MECR: variants seen among roughly 807,000 people sequenced by gnomAD.
MECR encodes enoyl-[acyl-carrier-protein] reductase, mitochondrial.
MECR carries 37 observed loss-of-function variants against 49.1 expected under a neutral mutation model. The ratio of observed to expected loss-of-function variants is 0.75; its 90% CI spans 0.58 to 0.99. MECR has a LOEUF of 0.99. Ranked by LOEUF, MECR falls within the 50% of genes least tolerant of loss-of-function variation. MECR has a pLI of 0.00. For missense variants in MECR, 470 were observed against 479.6 expected, an observed-to-expected ratio of 0.98 and a Z score of 0.19; for synonymous variants, 198 against 191.1, an observed-to-expected ratio of 1.04 and a Z score of -0.30.
At chr1:29,223,406 T>G (rs142460084) in intron 1 of MECR, 1 of 401,830 alleles carries the variant, frequency 2.5e-6, no homozygotes, top group East Asian at 1.6e-4. Flanking sequence ...TGCTGAGATA[T>G]CTTTCCTGCG....
chr1:29,181,611 C>A, the MECR span: 1 of 1,551,060 alleles, frequency 6.4e-7, no homozygotes, highest in South Asian at 1.2e-5. Flanking sequence ...TGGGGTCTGT[C>A]CCCGCCCGGC....
intron 5 of MECR, among the ~76,000 whole-genome samples, chr1:29,202,706 C>T (rs1675607831): frequency 6.6e-6 from 1 of 152,192 alleles, no homozygotes; most frequent in African/African-American, 2.4e-5. Flanking sequence ...CTGTCTCCTT[C>T]ACGTCTGTAT....
downstream of MECR, among the ~76,000 whole-genome samples, chr1:29,191,831 C>A (rs942677976): frequency 6.6e-6 from 1 of 152,204 alleles, no homozygotes; most frequent in African/African-American, 2.4e-5. Flanking sequence ...TGGTGGCTTA[C>A]GCCTGTAAAC....
At chr1:29,191,444 C>G (rs1378873661), downstream of MECR, among the ~76,000 whole-genome samples, 1 of 152,184 alleles carries the variant, frequency 6.6e-6, no homozygotes, top group African/African-American at 2.4e-5. Context: ...GCTGGGACTA[C>G]AGGCATGTAC....
downstream of MECR, among the ~76,000 whole-genome samples, chr1:29,192,084 TC>T (rs1328643110): frequency 6.6e-6 from 1 of 151,734 alleles, no homozygotes; most frequent in Non-Finnish European, 1.5e-5. Flanking sequence ...GTGTGAGACT[TC>T]GTCTCAAAAA....
At position 29,201,818 on chromosome 1, in the gene MECR, C is replaced by CAAG. The variant is rs1474066030; in HGVS notation, c.756+122_756+124dup. Reference sequence around the variant, plus strand: ...CTAGGGGGAATGGGCTTTAACCAACCAAGAGGCAAAGGGAGGTTTCCAGAG... The same window carrying CAAG: ...CTAGGGGGAATGGGCTTTAACCAACCAAGAAGAGGCAAAGGGAGGTTTCCAGAG... On this transcript the variant is annotated intron_variant, in intron 6 of 9. Transcript: ENST00000263702. This position sits in a 1 kb window ranked among gnomAD's most constrained non-coding sequence, Gnocchi z 4.3. 2.3e-5 allele frequency: 20 copies of CAAG among 860,902 alleles called. No individual in the cohort carries two copies. In the African/African-American group the frequency reaches 3.0e-4, roughly 13 times the overall value. 53.3% of individuals were successfully genotyped at this position (860,902 alleles called of 1,614,324 possible).
intron 1 of MECR, among the ~76,000 whole-genome samples, chr1:29,222,299 AT>A (rs1258424347): frequency 1.3e-5 from 2 of 151,694 alleles, no homozygotes; most frequent in African/African-American, 4.8e-5. Context: ...GGGTTTTATC[AT>A]GTTGGTCAGG....
At chr1:29,225,508 G>A (rs1038122856) in intron 1 of MECR, among the ~76,000 whole-genome samples, 2 of 151,972 alleles carry the variant, frequency 1.3e-5, no homozygotes, top group Non-Finnish European at 2.9e-5. Context: ...GGACTATGGC[G>A]GCCTTTCTCC....
At chr1:29,224,991 G>A (rs1396186647) in intron 1 of MECR, among the ~76,000 whole-genome samples, 4 of 152,222 alleles carry the variant, frequency 2.6e-5, no homozygotes, top group African/African-American at 7.2e-5. Flanking sequence ...TGGACGGAGG[G>A]AAAACCCCAG....
At chr1:29,174,321 C>G in the MECR span, among the ~76,000 whole-genome samples, 1 of 152,134 alleles carries the variant, frequency 6.6e-6, no homozygotes, top group African/African-American at 2.4e-5. Context: ...TGCTTTGACT[C>G]CCAAAGTCTA....
chr1:29,208,609 G>C (rs1677186315), intron 3 of MECR, among the ~76,000 whole-genome samples: 1 of 152,184 alleles, frequency 6.6e-6, no homozygotes, highest in African/African-American at 2.4e-5. Context: ...CATCGACTTT[G>C]AACCCCTCAT....
At chr1:29,176,322 CT>C in the MECR span, among the ~76,000 whole-genome samples, 1 of 151,960 alleles carries the variant, frequency 6.6e-6, no homozygotes, top group Non-Finnish European at 1.5e-5. Flanking sequence ...AAAGTGTTTG[CT>C]TTTTCTTTTG....
In MECR at chr1:29,230,872, G is replaced by T; in HGVS notation, c.35C>A (p.Thr12Asn). The change falls in exon 1 of 10, where the codon ACC becomes AAC. Residue 12 changes from threonine (T) to asparagine (N), a missense_variant. Coordinates refer to ENST00000263702, the MANE Select transcript of MECR (RefSeq NM_016011.5). ...CAGCCCCCGCCACTGCCGGGCGGGG[G>T]TTCGCACCCGCCACAGGGTACTGCA... ...WVCSTLWRVR[T>N]PARQWRGLLP... The T allele has an allele frequency of 6.2e-7, 1 of 1,606,058 alleles. No homozygotes were observed. The highest frequency in any genetic ancestry group is 8.5e-7 in the Non-Finnish European group (1 of 1,178,972).
chr1:29,202,120 C>T, intron 5 of MECR, 75 bp from the exon 6 acceptor site: 4 of 1,263,566 alleles, frequency 3.2e-6, no homozygotes, highest in South Asian at 1.2e-5. Flanking sequence ...CTCTCTGCCA[C>T]AGCTGGGAGA....
chr1:29,203,267 T>C, intron 4 of MECR, 34 bp from the exon 5 acceptor site: 1 of 1,502,678 alleles, frequency 6.7e-7, no homozygotes, highest in Non-Finnish European at 9.1e-7. Flanking sequence ...AATCAAGCCC[T>C]GTATAGATCT....
At chr1:29,181,797 A>C in the MECR span, 9 of 1,498,532 alleles carry the variant, frequency 6.0e-6, no homozygotes, top group Non-Finnish European at 7.1e-6. Flanking sequence ...AGCCCCCCTT[A>C]GGCGGCGGCG....
intron 1 of MECR, among the ~76,000 whole-genome samples, chr1:29,222,170 T>G (rs1680924477): frequency 6.6e-6 from 1 of 152,220 alleles, no homozygotes. Flanking sequence ...CTTGGCTCAC[T>G]GCAAGCTCCG....
At position 29,193,898 on chromosome 1, in the gene MECR, C is replaced by T; in HGVS notation, c.*124G>A. 8.2e-7 allele frequency: 1 copy of T among 1,220,624 alleles called. No individual in the cohort carries two copies. The highest frequency in any genetic ancestry group is 1.1e-6 in the Non-Finnish European group (1 of 873,104). The allele number at this position is 1,220,624 out of a possible 1,614,324, so 75.6% of individuals were successfully genotyped here. ...AACCGTGGCTGGCTTCACCATCCTC[C>T]TAATAGGAAGAGGCAGTGAGGAGAA... is the stretch of plus-strand genomic sequence containing the variant. On this transcript the variant is annotated 3_prime_UTR_variant, in exon 10 of 10. Transcript: ENST00000263702.
chr1:29,221,559 A>G (rs1680771946), intron 1 of MECR, among the ~76,000 whole-genome samples: 1 of 152,250 alleles, frequency 6.6e-6, no homozygotes, highest in Non-Finnish European at 1.5e-5. Context: ...AATCTCTTAA[A>G]TAAGCGACAC....
Sources: gnomAD v4.1 joint callset for allele counts (sites outside exome capture counted in the v4.1 genomes callset) on GRCh38, gnomAD v4.1.1 for gene constraint, Gnocchi (gnomAD v3.1) non-coding constraint, MANE v1.5 for transcripts, NCBI Gene and HGNC (gene_info 2026-07-23, HGNC 2026-07-21) for gene names.